WDR59: variants seen among roughly 807,000 people sequenced by gnomAD.
WDR59 encodes the protein GATOR2 complex protein WDR59.
Under a neutral mutation model 131.2 loss-of-function variants are expected in WDR59, and 100 were observed. The ratio of observed to expected loss-of-function variants is 0.76; its 90% CI spans 0.65 to 0.90. WDR59 has a LOEUF of 0.90. Among genes scored for constraint, WDR59 ranks in the 40% least tolerant of loss-of-function variants. The probability of loss-of-function intolerance (pLI) is 0.00; values close to 1 mark genes in which losing one functional copy is unlikely to be tolerated. For missense variants in WDR59, 1,203 were observed against 1,262.2 expected, an observed-to-expected ratio of 0.95 and a Z score of 0.71; for synonymous variants, 601 against 466.2, an observed-to-expected ratio of 1.29 and a Z score of -3.72.
chr16:74,956,719 A>C, intron 2 of WDR59, 109 bp from the exon 3 acceptor site: 1 of 1,367,570 alleles, frequency 7.3e-7, no homozygotes, highest in Non-Finnish European at 1.0e-6. Flanking sequence ...TGCTCCAAAA[A>C]ACCCAAACAC....
chr16:74,937,834 T>G (rs555310433), intron 8 of WDR59, among the ~76,000 whole-genome samples: 2 of 152,328 alleles, frequency 1.3e-5, no homozygotes, highest in Non-Finnish European at 2.9e-5. Flanking sequence ...CTTTTGTCTC[T>G]GACTTCCTTT....
intron 8 of WDR59, among the ~76,000 whole-genome samples, chr16:74,935,969 C>A (rs1597748176): frequency 6.6e-6 from 1 of 151,544 alleles, no homozygotes; most frequent in African/African-American, 2.4e-5. Flanking sequence ...TGCACTCCAA[C>A]CCGGGTGACA....
chr16:74,981,633 T>C (rs868744021), intron 1 of WDR59, among the ~76,000 whole-genome samples: 444 of 17,276 alleles, frequency 0.026, 1 homozygote, highest in African/African-American at 0.047. Flanking sequence ...TATATATATA[T>C]ATATATATAT....
intron 6 of WDR59, among the ~76,000 whole-genome samples, chr16:74,944,055 G>C: frequency 6.6e-6 from 1 of 152,148 alleles, no homozygotes; most frequent in East Asian, 1.9e-4. Flanking sequence ...CTACCTCCTT[G>C]ACAGAGTTAC....
At chr16:74,897,143 C>G (rs961280569) in intron 18 of WDR59, among the ~76,000 whole-genome samples, 3 of 152,228 alleles carry the variant, frequency 2.0e-5, no homozygotes, top group Non-Finnish European at 4.4e-5. Context: ...CCAGCTCCAC[C>G]CTTCTACGAT....
At chr16:74,892,370 G>A (rs1965084968) in intron 20 of WDR59, 114 bp downstream of exon 20, 1 of 940,934 alleles carries the variant, frequency 1.1e-6, no homozygotes, top group Non-Finnish European at 1.6e-6. Context: ...AATGGAAAAT[G>A]AATTCCAAAT....
At chr16:74,911,598 T>C (rs528394483) in intron 14 of WDR59, among the ~76,000 whole-genome samples, 2 of 152,332 alleles carry the variant, frequency 1.3e-5, no homozygotes, top group African/African-American at 2.4e-5. Flanking sequence ...TAAACACAGA[T>C]GCCAGGCTGT....
intron 18 of WDR59, among the ~76,000 whole-genome samples, chr16:74,895,753 C>T (rs1270185502): frequency 6.6e-6 from 1 of 152,164 alleles, no homozygotes; most frequent in Non-Finnish European, 1.5e-5. Flanking sequence ...ATCATCCTGA[C>T]ATGGGTGTAA....
At chr16:74,977,931 A>G (rs1406550396) in intron 1 of WDR59, among the ~76,000 whole-genome samples, 1 of 152,124 alleles carries the variant, frequency 6.6e-6, no homozygotes, top group Non-Finnish European at 1.5e-5. Flanking sequence ...GACGCCAGGT[A>G]GGGTGGTGGC....
intron 10 of WDR59, among the ~76,000 whole-genome samples, 172 bp downstream of exon 10, chr16:74,921,774 CT>C (rs3835317): frequency 0.49 from 74,250 of 152,060 alleles, 21,515 homozygotes; most frequent in Non-Finnish European, 0.63. Context: ...TAACAGCAGC[CT>C]TATATAGTCC....
intron 6 of WDR59, among the ~76,000 whole-genome samples, chr16:74,943,926 T>C (rs1482470868): frequency 6.6e-6 from 1 of 152,224 alleles, no homozygotes; most frequent in Non-Finnish European, 1.5e-5. Context: ...AGGTATCTTA[T>C]GTCATCTAGA....
In WDR59 at chr16:74,923,961, GAA is replaced by G. The variant is rs768397464; in HGVS notation, c.692_693del (p.Leu231ProfsTer39). On this transcript the variant is annotated frameshift_variant, in exon 9 of 26. Coordinates refer to ENST00000262144, the MANE Select transcript of WDR59 (RefSeq NM_030581.4). LOFTEE classifies it high-confidence loss of function. ...YRQPRKYLNI[L>X]PCQVPVWKAR... Reference sequence around the variant, plus strand: ...GCCTTCCAGACAGGCACCTGGCAAGGAAGAATATTGAGGTATTTCCGAGGCTG... The same window carrying G: ...GCCTTCCAGACAGGCACCTGGCAAGGGAATATTGAGGTATTTCCGAGGCTG... 13 of 1,613,690 alleles carry G rather than the reference GAA, an allele frequency of 8.1e-6. No homozygotes were observed.
intron 1 of WDR59, among the ~76,000 whole-genome samples, chr16:74,976,440 CTTTT>C (rs763009590): frequency 1.5e-5 from 2 of 137,444 alleles, no homozygotes; most frequent in Admixed American, 7.4e-5. Flanking sequence ...TTTTTCTTTT[CTTTT>C]TTTTTTTTTT....
At chr16:74,976,418 C>T (rs915855513) in intron 1 of WDR59, among the ~76,000 whole-genome samples, 2 of 150,722 alleles carry the variant, frequency 1.3e-5, no homozygotes, top group African/African-American at 2.4e-5. Context: ...ATCTAGGATA[C>T]GAACGTTTTT....
intron 5 of WDR59, 36 bp downstream of exon 5, chr16:74,949,682 C>A (rs2032880041): frequency 6.3e-7 from 1 of 1,597,092 alleles, no homozygotes; most frequent in Admixed American, 1.7e-5. Flanking sequence ...CCAAATCACC[C>A]CCAACCAAGT....
chr16:74,980,660 TAA>T (rs540984077), intron 1 of WDR59, among the ~76,000 whole-genome samples: 336 of 152,218 alleles, frequency 2.2e-3, no homozygotes, highest in African/African-American at 7.7e-3. Flanking sequence ...CCAAAAAATC[TAA>T]AAGTTTTAAT....
chr16:74,925,791 G>A (rs2030729512), intron 8 of WDR59, among the ~76,000 whole-genome samples: 2 of 151,746 alleles, frequency 1.3e-5, no homozygotes, highest in Admixed American at 1.3e-4. Flanking sequence ...TGCTTTGGGA[G>A]GCTAAGGTAG....
intron 8 of WDR59, among the ~76,000 whole-genome samples, chr16:74,931,095 T>C (rs2031347781): frequency 6.6e-6 from 1 of 152,060 alleles, no homozygotes; most frequent in South Asian, 2.1e-4. Flanking sequence ...TGTGTTTTCC[T>C]GACTTTATCA....
At chr16:74,889,357 C>T (rs546185387) in intron 21 of WDR59, among the ~76,000 whole-genome samples, 6 of 152,178 alleles carry the variant, frequency 3.9e-5, no homozygotes, top group Non-Finnish European at 8.8e-5. Flanking sequence ...AATCCATTCT[C>T]AAGGGTGAGA....
Sources: gnomAD v4.1 joint callset for allele counts (sites outside exome capture counted in the v4.1 genomes callset) on GRCh38, gnomAD v4.1.1 for gene constraint, MANE v1.5 for transcripts, NCBI Gene and HGNC (gene_info 2026-07-23, HGNC 2026-07-21) for gene names.